The following PCDH15 variants were observed in gnomAD, a reference collection of about 807,000 sequenced individuals.
PCDH15 encodes the protein protocadherin-15.
In PCDH15, 129 loss-of-function variants were observed where a neutral mutation model predicts 178.5. That is an observed-to-expected ratio of 0.72 (90% confidence interval 0.63 to 0.84). The LOEUF (loss-of-function observed/expected upper bound fraction) is 0.84. PCDH15 is among the 40% of genes least tolerant of loss of function. The pLI is 0.00. For synonymous variants in PCDH15, 800 were observed against 732.0 expected, an observed-to-expected ratio of 1.09 and a Z score of -1.50; for missense variants, 2,230 against 2,099.9, an observed-to-expected ratio of 1.06 and a Z score of -1.21.
At chr10:54,979,668 CA>C (rs57794335) in intron 2 of PCDH15, among the ~76,000 whole-genome samples, 1,599 of 108,606 alleles carry the variant, frequency 0.015, 13 homozygotes, top group African/African-American at 0.045. Context: ...GACTGTGTCT[CA>C]AAAAAAAAAA....
chr10:54,895,210 T>A (rs1954525954), intron 3 of PCDH15, among the ~76,000 whole-genome samples: 1 of 152,164 alleles, frequency 6.6e-6, no homozygotes, highest in Non-Finnish European at 1.5e-5. Context: ...TTGTGGCTAC[T>A]CATAATTCCT....
chr10:54,938,043 A>G (rs947978378), intron 2 of PCDH15, among the ~76,000 whole-genome samples: 1 of 152,026 alleles, frequency 6.6e-6, no homozygotes, highest in African/African-American at 2.4e-5. Context: ...AATATTTTTA[A>G]TCATTAAAGA....
At chr10:55,127,985 A>T (rs932707088) in intron 2 of PCDH15, among the ~76,000 whole-genome samples, 1 of 152,036 alleles carries the variant, frequency 6.6e-6, no homozygotes, top group African/African-American at 2.4e-5. Context: ...TATAAAAAGC[A>T]AAGTCTCTTT....
In PCDH15 at chr10:55,124,559, C is replaced by T. The variant is rs181277752; in HGVS notation, c.-80+42017G>A. On this transcript the variant is annotated intron_variant, in intron 2 of 5. Coordinates refer to the PCDH15 transcript ENST00000458638. ...TCTTCTTTCAACTTTGATCCTCTCC[C>T]TATTTTGCCTGAAATTTTAAACTAT... 5.3e-4 allele frequency among the ~76,000 whole-genome samples: 81 copies of T among 152,180 alleles called. 2 individuals carry two copies. The East Asian group carries it at 0.014, about 26-fold the overall frequency.
chr10:54,326,774 G>C (rs1181740092), intron 7 of PCDH15, among the ~76,000 whole-genome samples: 1 of 152,014 alleles, frequency 6.6e-6, no homozygotes, highest in Non-Finnish European at 1.5e-5. Context: ...CAAAAACGGA[G>C]TATTGTTGAA....
At chr10:55,370,081 G>A (rs975047651) in intron 2 of PCDH15, among the ~76,000 whole-genome samples, 18 of 152,048 alleles carry the variant, frequency 1.2e-4, no homozygotes, top group Non-Finnish European at 7.4e-5. Flanking sequence ...CTTGTAGGGA[G>A]AGTCTGTAAG....
At chr10:54,394,083 T>A (rs1214447048) in intron 3 of PCDH15, among the ~76,000 whole-genome samples, 1 of 152,132 alleles carries the variant, frequency 6.6e-6, no homozygotes, top group Non-Finnish European at 1.5e-5. Context: ...AATGAAAATA[T>A]GACCATGTTA....
chr10:55,290,347 A>T (rs1441276086), intron 1 of PCDH15, among the ~76,000 whole-genome samples: 1 of 150,278 alleles, frequency 6.7e-6, no homozygotes, highest in Non-Finnish European at 1.5e-5. Flanking sequence ...GGGAGGGATA[A>T]TGTTTAGAGA....
At chr10:55,627,697 G>T (rs1044749179) in exon 2 of PCDH15, 15 of 152,212 alleles carry the variant, frequency 9.9e-5, no homozygotes, top group African/African-American at 3.6e-4. Context: ...TAGGGATCCC[G>T]AGCAGCCACG....
intron 13 of PCDH15, among the ~76,000 whole-genome samples, chr10:54,170,914 T>A (rs1198020806): frequency 6.6e-6 from 1 of 152,084 alleles, no homozygotes; most frequent in Non-Finnish European, 1.5e-5. Context: ...CCTCAGGGAT[T>A]ATTCAGGCCC....
At chr10:55,068,646 A>T in intron 2 of PCDH15, among the ~76,000 whole-genome samples, 1 of 152,104 alleles carries the variant, frequency 6.6e-6, no homozygotes, top group East Asian at 1.9e-4. Flanking sequence ...TGCTATTTTC[A>T]TAGGGATTAC....
intron 2 of PCDH15, among the ~76,000 whole-genome samples, chr10:55,153,061 T>G (rs1838781710): frequency 6.6e-6 from 1 of 152,144 alleles, no homozygotes; most frequent in Admixed American, 6.6e-5. Context: ...AAATCCAAGA[T>G]AACAAATTAT....
chr10:53,926,754 C>A (rs972767060), intron 25 of PCDH15, among the ~76,000 whole-genome samples: 1 of 152,144 alleles, frequency 6.6e-6, no homozygotes, highest in African/African-American at 2.4e-5. Context: ...TTGCAGAGTT[C>A]GAGGTTTTTC....
At chr10:55,528,653 C>T (rs931988598) in intron 2 of PCDH15, among the ~76,000 whole-genome samples, 22 of 152,072 alleles carry the variant, frequency 1.4e-4, no homozygotes, top group East Asian at 3.9e-4. Context: ...TGGTTCCAAG[C>T]CTTTGCTATT....
intron 21 of PCDH15, among the ~76,000 whole-genome samples, chr10:53,981,123 T>C (rs2090604355): frequency 6.6e-6 from 1 of 152,062 alleles, no homozygotes; most frequent in South Asian, 2.1e-4. Context: ...AATAAAAATG[T>C]GATATAATTC....
chr10:54,040,585 G>A (rs953907312), intron 18 of PCDH15, among the ~76,000 whole-genome samples: 7 of 152,000 alleles, frequency 4.6e-5, no homozygotes, highest in Non-Finnish European at 1.0e-4. Context: ...TGTGAATGAA[G>A]TTGGATGTTG....
At chr10:55,361,841 GT>G (rs1845237385) in intron 2 of PCDH15, among the ~76,000 whole-genome samples, 1 of 151,928 alleles carries the variant, frequency 6.6e-6, no homozygotes, top group South Asian at 2.1e-4. Flanking sequence ...TAGAATACAG[GT>G]TTTCATTTAT....
intron 2 of PCDH15, among the ~76,000 whole-genome samples, chr10:55,476,219 G>A (rs1389637705): frequency 1.3e-5 from 2 of 151,846 alleles, no homozygotes; most frequent in Non-Finnish European, 2.9e-5. Flanking sequence ...GGACTTCAGA[G>A]GGCCCCGGGC....
intron 2 of PCDH15, among the ~76,000 whole-genome samples, chr10:55,542,349 AGTGTGTATATATAAATATAAAT>A (rs1841782714): frequency 6.6e-6 from 1 of 150,856 alleles, no homozygotes; most frequent in South Asian, 2.1e-4. Flanking sequence ...AATATATGTT[AGTGTGTATATATAAATATAAAT>A]GTGTCTATAT....
Sources: allele counts gnomAD v4.1 joint callset (sites outside exome capture counted in the v4.1 genomes callset), GRCh38; gene constraint gnomAD v4.1.1; transcripts MANE v1.5; gene names NCBI Gene and HGNC (gene_info 2026-07-23, HGNC 2026-07-21).